The following TENM2 variants were observed in gnomAD, a reference collection of about 807,000 sequenced individuals.
The protein encoded by TENM2 is teneurin transmembrane protein 2.
TENM2 carries 52 observed loss-of-function variants against 245.2 expected under a neutral mutation model. That is an observed-to-expected ratio of 0.21 (90% confidence interval 0.17 to 0.27). TENM2 has a LOEUF of 0.27. TENM2 is among the 10% of genes least tolerant of loss of function. The pLI is 1.00. For synonymous variants in TENM2, 1,363 were observed against 1,438.9 expected, an observed-to-expected ratio of 0.95 and a Z score of 1.19; for missense variants, 3,046 against 3,666.8, an observed-to-expected ratio of 0.83 and a Z score of 4.37.
chr5:167,173,323 A>G, the TENM2 span, among the ~76,000 whole-genome samples: 808 of 152,274 alleles, frequency 5.3e-3, 5 homozygotes, highest in African/African-American at 0.018. Context: ...CTGCTTTACT[A>G]CTGTCAATAG....
chr5:167,188,060 T>TTTA, the TENM2 span, among the ~76,000 whole-genome samples: 1 of 152,154 alleles, frequency 6.6e-6, no homozygotes, highest in Non-Finnish European at 1.5e-5. Context: ...CAATCTTCTC[T>TTTA]TCATCAGAAT....
Position 168,218,983 on chromosome 5 carries a change from T to C in TENM2, c.5092T>C (p.Trp1698Arg). ...GGCCACCAAGAGCGATGAAACAGGA[T>C]GGACGACTTTCTATGAGTAAGTGGG... Residue 1698 changes from tryptophan to arginine, a missense_variant, in exon 23 of 29, where the codon TGG becomes CGG. Trp to Arg is a moderately radical substitution (Grantham distance 101, BLOSUM62 -3). Coordinates refer to ENST00000518659, the Ensembl canonical transcript of TENM2. This position sits in a 1 kb window ranked among gnomAD's most constrained non-coding sequence, Gnocchi z 5.2. The C allele has an allele frequency of 6.2e-7, 1 of 1,613,218 alleles. No individual in the cohort carries two copies. The highest frequency in any genetic ancestry group is 8.5e-7 in the Non-Finnish European group (1 of 1,179,450).
intron 12 of TENM2, among the ~76,000 whole-genome samples, chr5:168,149,857 C>A (rs62383434): frequency 0.12 from 18,546 of 152,258 alleles, 1,542 homozygotes; most frequent in South Asian, 0.22. Flanking sequence ...CCTTCCAACA[C>A]CCCAAGCACT....
At chr5:167,437,952 T>C (rs1764659304) in intron 2 of TENM2, among the ~76,000 whole-genome samples, 1 of 152,206 alleles carries the variant, frequency 6.6e-6, no homozygotes, top group African/African-American at 2.4e-5. Flanking sequence ...AACCAACTAA[T>C]ACAGATACAT....
intron 2 of TENM2, among the ~76,000 whole-genome samples, chr5:167,756,560 G>C (rs1370874439): frequency 6.6e-6 from 1 of 152,126 alleles, no homozygotes; most frequent in African/African-American, 2.4e-5. Context: ...GAGGCTCCAG[G>C]AGGAAATCCC....
At chr5:167,830,609 A>G (rs748554913) in intron 2 of TENM2, among the ~76,000 whole-genome samples, 1 of 152,184 alleles carries the variant, frequency 6.6e-6, no homozygotes, top group Non-Finnish European at 1.5e-5. Flanking sequence ...GTTGTGTACT[A>G]TAGTGTGTGG....
At chr5:167,297,967 A>G (rs1165279085) in intron 1 of TENM2, among the ~76,000 whole-genome samples, 1 of 152,140 alleles carries the variant, frequency 6.6e-6, no homozygotes, top group Non-Finnish European at 1.5e-5. Context: ...CAGTTAAGGC[A>G]GGAACCGGCC....
At chr5:167,825,879 AAC>A (rs1244118796) in intron 2 of TENM2, among the ~76,000 whole-genome samples, 1 of 150,372 alleles carries the variant, frequency 6.7e-6, no homozygotes, top group African/African-American at 2.4e-5. Flanking sequence ...AAAAAAAAAA[AAC>A]AACTGTGACC....
At chr5:167,674,782 T>G (rs1459755494) in intron 2 of TENM2, among the ~76,000 whole-genome samples, 1 of 152,092 alleles carries the variant, frequency 6.6e-6, no homozygotes, top group Non-Finnish European at 1.5e-5. Context: ...GAGCATTAGT[T>G]AACAGAAATG....
At chr5:167,063,052 T>G in the TENM2 span, among the ~76,000 whole-genome samples, 3 of 152,214 alleles carry the variant, frequency 2.0e-5, no homozygotes. Context: ...TCTTCTCACA[T>G]CTTCTAGAAA....
At chr5:167,663,750 A>C (rs1378793531) in intron 2 of TENM2, among the ~76,000 whole-genome samples, 3 of 152,038 alleles carry the variant, frequency 2.0e-5, no homozygotes, top group Non-Finnish European at 4.4e-5. Context: ...ATTATGGATA[A>C]ATTATATCTT....
At chr5:167,794,583 G>T (rs557504705) in intron 2 of TENM2, among the ~76,000 whole-genome samples, 83 of 152,320 alleles carry the variant, frequency 5.4e-4, no homozygotes, top group African/African-American at 1.9e-3. Flanking sequence ...ATGCAATAAA[G>T]AGTAAGATCT....
intron 4 of TENM2, among the ~76,000 whole-genome samples, chr5:167,979,093 A>G (rs1782646770): frequency 6.6e-6 from 1 of 152,208 alleles, no homozygotes; most frequent in East Asian, 1.9e-4. Flanking sequence ...AAGACTGTCA[A>G]CAGGATCCCC....
At chr5:167,484,405 G>C (rs1767941161) in intron 2 of TENM2, among the ~76,000 whole-genome samples, 1 of 152,054 alleles carries the variant, frequency 6.6e-6, no homozygotes, top group Non-Finnish European at 1.5e-5. Context: ...ACAGCGCTGT[G>C]CATGAAAGAA....
intron 2 of TENM2, among the ~76,000 whole-genome samples, chr5:167,830,161 A>G (rs920245889): frequency 7.9e-5 from 12 of 152,366 alleles, no homozygotes; most frequent in Admixed American, 7.2e-4. Context: ...AGATGGGCAG[A>G]TGGGTGCTAT....
chr5:167,253,847 C>T, the TENM2 span, among the ~76,000 whole-genome samples: 2 of 151,992 alleles, frequency 1.3e-5, no homozygotes, highest in Non-Finnish European at 2.9e-5. Context: ...TTGTTTAAAG[C>T]TCTGAAGGTC....
intron 2 of TENM2, among the ~76,000 whole-genome samples, chr5:167,467,355 G>T (rs1177632907): frequency 6.6e-6 from 1 of 152,074 alleles, no homozygotes; most frequent in Non-Finnish European, 1.5e-5. Context: ...CCCCAGTCGT[G>T]TGGAACTGTG....
intron 1 of TENM2, among the ~76,000 whole-genome samples, chr5:167,345,314 A>G (rs913664628): frequency 1.3e-5 from 2 of 152,184 alleles, no homozygotes; most frequent in African/African-American, 4.8e-5. Context: ...GCACGTGTCC[A>G]TCAGCTTGTG....
At chr5:168,226,227 C>T (rs1224743443) in exon 24 of TENM2, 1 of 1,613,580 alleles carries the variant, frequency 6.2e-7, no homozygotes, top group Non-Finnish European at 8.5e-7. Context: ...CATCACCAAC[C>T]TCTCTTCAGT....
Sources: allele counts gnomAD v4.1 joint callset (sites outside exome capture counted in the v4.1 genomes callset), GRCh38; gene constraint gnomAD v4.1.1; non-coding constraint Gnocchi (gnomAD v3.1); transcripts MANE v1.5; gene names NCBI Gene and HGNC (gene_info 2026-07-23, HGNC 2026-07-21).